Variants in C18orf54 observed in about 807,000 individuals in gnomAD.
C18orf54 encodes chromosome 18 open reading frame 54, also known as lung adenoma susceptibility protein 2.
Under a neutral mutation model 49.3 loss-of-function variants are expected in C18orf54, and 49 were observed. That is an observed-to-expected ratio of 0.99 (90% CI 0.79 to 1.26). The LOEUF is 1.26. Among genes scored for constraint, C18orf54 ranks in the 50% most tolerant of loss-of-function variants. The pLI, the probability that C18orf54 is intolerant of heterozygous loss-of-function variation, is 0.00. For missense variants in C18orf54, 687 were observed against 620.6 expected (o/e 1.11, Z -1.14); for synonymous variants, 211 against 216.6 (o/e 0.97, Z 0.23).
At chr18:54,360,924 T>C in intron 3 of C18orf54, 69 bp downstream of exon 3, 3 of 1,402,008 alleles carry the variant, frequency 2.1e-6, no homozygotes, top group Non-Finnish European at 2.9e-6. Flanking sequence ...TACTGTAGTA[T>C]TGTAAAGTTT....
In C18orf54 at chr18:54,378,271, A is replaced by G. The variant is rs3753056; in HGVS notation, c.*25A>G. On this transcript the variant is annotated 3_prime_UTR_variant, in exon 9 of 9. Coordinates refer to ENST00000620105, the MANE Select transcript of C18orf54 (RefSeq NM_001288980.2). The stretch of plus-strand genomic sequence containing the variant: ...AAGAGGAAAATGAAACTGTCACCAC[A>G]ATGAATAGTCACCACAGAACAAATA... 1,112,332 of 1,589,052 alleles carry G rather than the reference A, an allele frequency of 0.7. 391,397 individuals carry two copies. The highest frequency in any genetic ancestry group is 0.86 in the African/African-American group (64,112 of 74,246).
At chr18:54,363,504 G>A (rs2089314571) in intron 5 of C18orf54, among the ~76,000 whole-genome samples, 1 of 152,030 alleles carries the variant, frequency 6.6e-6, no homozygotes, top group Non-Finnish European at 1.5e-5. Context: ...TTTTAGTAGA[G>A]ACGGGGTTTC....
intron 8 of C18orf54, among the ~76,000 whole-genome samples, chr18:54,376,673 G>A (rs1225669929): frequency 6.6e-6 from 1 of 152,192 alleles, no homozygotes; most frequent in African/African-American, 2.4e-5. Context: ...TGATTGGTTA[G>A]TAACTTTGGG....
chr18:54,368,211 GTTA>G (rs1231710587), intron 6 of C18orf54, among the ~76,000 whole-genome samples: 23 of 151,750 alleles, frequency 1.5e-4, no homozygotes, highest in Admixed American at 7.2e-4. Flanking sequence ...TGTTACTAGA[GTTA>G]TTATATTCCT....
At chr18:54,365,254 G>A (rs1298234240) in intron 5 of C18orf54, among the ~76,000 whole-genome samples, 1 of 151,956 alleles carries the variant, frequency 6.6e-6, no homozygotes, top group Non-Finnish European at 1.5e-5. Flanking sequence ...TGTTCTTTAT[G>A]TTAATACCAG....
rs1365120568 is a variant in C18orf54, at chr18:54,360,566, A to G, written c.-7A>G. 4.3e-6 allele frequency: 7 copies of G among 1,612,724 alleles called. No individual in the cohort carries two copies. On this transcript the variant is annotated 5_prime_UTR_variant, in exon 3 of 9. Transcript: ENST00000620105. ...AATGAATAGAAACAATCCACTTTGA[A>G]GAAGCCATGGCGAAATCAAAGACAA... is the stretch of plus-strand genomic sequence containing the variant.
At position 54,380,122 on chromosome 18, in the gene C18orf54, C is replaced by T. The variant is rs1364862317; in HGVS notation, c.*1876C>T. The T allele has an allele frequency of 6.6e-6, 1 of 151,872 alleles. No individual in the cohort carries two copies. Among genetic ancestry groups the T allele is most frequent in the African/African-American group, 2.4e-5 (1 of 41,392 alleles). The allele number at this position is 151,872 out of a possible 1,614,324, so 9.4% of individuals were successfully genotyped here. On this transcript the variant is annotated 3_prime_UTR_variant, in exon 9 of 9. Coordinates refer to ENST00000620105, the MANE Select transcript of C18orf54 (RefSeq NM_001288980.2). ...ATTCCAACCTTCTTATAAGAAATAT[C>T]TAGGAGAGTCAAGTAAGAAAAATAA...
In C18orf54 at chr18:54,370,308, G is replaced by A. The variant is rs182311773; in HGVS notation, c.1327-2158G>A. On this transcript the variant is annotated intron_variant, in intron 6 of 8. Coordinates refer to ENST00000620105, the MANE Select transcript of C18orf54 (RefSeq NM_001288980.2). ...AAAAAAAAAAAGTTTAAAACACAAT[G>A]TGCAAGTATTTACATACTGTTGACA... Among the ~76,000 whole-genome samples the A allele has an allele frequency of 2.3e-4, 35 of 151,294 alleles. No homozygotes were observed. The East Asian group carries it at 6.2e-3, about 27-fold the overall frequency.
intron 7 of C18orf54, among the ~76,000 whole-genome samples, chr18:54,373,463 T>A (rs1191659294): frequency 6.6e-6 from 1 of 151,850 alleles, no homozygotes; most frequent in Admixed American, 6.6e-5. Context: ...TTAATTTTAG[T>A]CACCATGTTG....
chr18:54,369,671 A>T (rs2089450776), intron 6 of C18orf54, among the ~76,000 whole-genome samples: 1 of 151,566 alleles, frequency 6.6e-6, no homozygotes, highest in Non-Finnish European at 1.5e-5. Flanking sequence ...GTTTCACCAT[A>T]TTGGCCAGGC....
At chr18:54,374,594 G>A (rs370411216) in intron 8 of C18orf54, among the ~76,000 whole-genome samples, 46 of 151,676 alleles carry the variant, frequency 3.0e-4, no homozygotes, top group Non-Finnish European at 5.2e-4. Context: ...ACAGTAACTT[G>A]TATGAAATGT....
intron 8 of C18orf54, among the ~76,000 whole-genome samples, chr18:54,375,760 TAGAG>T (rs964304081): frequency 2.4e-4 from 37 of 152,232 alleles, no homozygotes; most frequent in African/African-American, 8.7e-4. Context: ...GTTTCATTTT[TAGAG>T]AGAGTAAGTT....
At chr18:54,364,265 G>C (rs1008115199) in intron 5 of C18orf54, among the ~76,000 whole-genome samples, 1 of 151,888 alleles carries the variant, frequency 6.6e-6, no homozygotes, top group African/African-American at 2.4e-5. Flanking sequence ...TATCATAGCT[G>C]CAATACTTTG....
intron 6 of C18orf54, among the ~76,000 whole-genome samples, chr18:54,366,226 T>C (rs1042679544): frequency 3.3e-5 from 5 of 151,950 alleles, no homozygotes; most frequent in African/African-American, 1.2e-4. Flanking sequence ...CTAGGACTTA[T>C]TTTTTCTATC....
chr18:54,371,478 C>T (rs1599344256), intron 6 of C18orf54, among the ~76,000 whole-genome samples: 1 of 152,094 alleles, frequency 6.6e-6, no homozygotes, highest in South Asian at 2.1e-4. Flanking sequence ...ACCCAAGTCC[C>T]TGTTTTCACT....
intron 8 of C18orf54, among the ~76,000 whole-genome samples, chr18:54,376,752 A>G (rs541595206): frequency 1.5e-4 from 23 of 152,354 alleles, no homozygotes; most frequent in African/African-American, 4.3e-4. Context: ...AAAAAAGGTG[A>G]GAGAATTGAG....
intron 6 of C18orf54, among the ~76,000 whole-genome samples, chr18:54,371,535 A>G (rs1331110238): frequency 6.6e-6 from 1 of 152,004 alleles, no homozygotes; most frequent in African/African-American, 2.4e-5. Context: ...TCATTCAGTA[A>G]TTCTATGTTT....
chr18:54,373,900 CTA>C (rs1210982225), intron 7 of C18orf54, among the ~76,000 whole-genome samples: 1 of 151,756 alleles, frequency 6.6e-6, no homozygotes, highest in Non-Finnish European at 1.5e-5. Context: ...AGAATGTAAT[CTA>C]TCTTTCTTTC....
At chr18:54,359,338 G>A (rs1351738550) in intron 2 of C18orf54, among the ~76,000 whole-genome samples, 2 of 152,170 alleles carry the variant, frequency 1.3e-5, no homozygotes, top group African/African-American at 4.8e-5. Flanking sequence ...TTAGCCATTC[G>A]TCAGAGATAT....
Sources: allele counts gnomAD v4.1 joint callset (sites outside exome capture counted in the v4.1 genomes callset), GRCh38; gene constraint gnomAD v4.1.1; transcripts MANE v1.5; gene names NCBI Gene and HGNC (gene_info 2026-07-23, HGNC 2026-07-21).